Variants in NALF1 observed in about 807,000 individuals in gnomAD.
NALF1 encodes the protein family with sequence similarity 155 member A.
NALF1 carries 3 observed loss-of-function variants against 48.4 expected under a neutral mutation model. The ratio of observed to expected loss-of-function variants is 0.06; its 90% CI spans 0.03 to 0.16. The LOEUF is 0.16. NALF1 is among the 10% of genes least tolerant of loss of function. The pLI is 1.00. For synonymous variants in NALF1, 262 were observed against 245.7 expected (o/e 1.07, Z -0.62); for missense variants, 526 against 571.5 (o/e 0.92, Z 0.81).
intron 1 of NALF1, among the ~76,000 whole-genome samples, chr13:107,301,507 C>A (rs1285802885): frequency 1.3e-5 from 2 of 152,058 alleles, no homozygotes; most frequent in African/African-American, 4.8e-5. Context: ...ACCTTCTGTT[C>A]TACATTTACC....
chr13:107,323,648 C>A (rs143582545), intron 1 of NALF1, among the ~76,000 whole-genome samples: 23 of 152,244 alleles, frequency 1.5e-4, no homozygotes, highest in African/African-American at 5.3e-4. Context: ...GTTTTCACAG[C>A]CCAGAGCAGA....
chr13:107,502,560 A>T (rs1404461761), intron 1 of NALF1, among the ~76,000 whole-genome samples: 4 of 152,264 alleles, frequency 2.6e-5, no homozygotes, highest in African/African-American at 4.8e-5. Context: ...GTTACCTTGA[A>T]CATTCTAAAC....
At chr13:107,704,042 A>T (rs1336956582) in intron 1 of NALF1, among the ~76,000 whole-genome samples, 8 of 152,214 alleles carry the variant, frequency 5.3e-5, no homozygotes, top group Admixed American at 2.6e-4. Flanking sequence ...GGAAATTAAA[A>T]AGGCACTCCT....
intron 1 of NALF1, among the ~76,000 whole-genome samples, chr13:107,555,138 A>C (rs1441145589): frequency 6.6e-6 from 1 of 152,132 alleles, no homozygotes; most frequent in Non-Finnish European, 1.5e-5. Context: ...CAGGCTGCTT[A>C]ATTATATTGT....
chr13:107,265,017 G>A (rs1183777092), intron 1 of NALF1, among the ~76,000 whole-genome samples: 1 of 152,152 alleles, frequency 6.6e-6, no homozygotes, highest in Non-Finnish European at 1.5e-5. Context: ...CATGTGAGAA[G>A]GCAATTTACC....
chr13:107,552,162 GAT>G (rs1204596856), intron 1 of NALF1, among the ~76,000 whole-genome samples: 1 of 152,138 alleles, frequency 6.6e-6, no homozygotes, highest in Non-Finnish European at 1.5e-5. Flanking sequence ...TTAATTCTGA[GAT>G]AGACATATTC....
chr13:107,303,582 C>T (rs1313243606), intron 1 of NALF1, among the ~76,000 whole-genome samples: 3 of 152,134 alleles, frequency 2.0e-5, no homozygotes, highest in African/African-American at 2.4e-5. Context: ...CTGTAAGACT[C>T]GTGGACTCAA....
At chr13:107,306,029 T>C (rs888561052) in intron 1 of NALF1, among the ~76,000 whole-genome samples, 9 of 152,178 alleles carry the variant, frequency 5.9e-5, no homozygotes, top group Admixed American at 6.6e-5. Flanking sequence ...AAACTAAGAA[T>C]GGCAGAATGT....
At chr13:107,234,896 T>G (rs896582870) in intron 1 of NALF1, among the ~76,000 whole-genome samples, 2 of 152,264 alleles carry the variant, frequency 1.3e-5, no homozygotes, top group African/African-American at 4.8e-5. Flanking sequence ...GCAGACTTGA[T>G]GACATGAAAA....
intron 1 of NALF1, among the ~76,000 whole-genome samples, chr13:107,818,398 G>A (rs955009938): frequency 6.6e-6 from 1 of 152,106 alleles, no homozygotes; most frequent in Non-Finnish European, 1.5e-5. Context: ...GCCAGGAATT[G>A]GAGACACTGG....
At chr13:107,591,075 A>G (rs1250354770) in intron 1 of NALF1, among the ~76,000 whole-genome samples, 6 of 152,086 alleles carry the variant, frequency 3.9e-5, no homozygotes, top group African/African-American at 9.7e-5. Flanking sequence ...AAGAGAAAAG[A>G]GACCAACCAG....
rs1243802176 is a variant in NALF1 at position 107,637,782 on chromosome 13, T to G, written c.915+227900A>C. On this transcript the variant is annotated intron_variant, in intron 1 of 2. Transcript: ENST00000375915. ...GCATGTGGGATGCTAAAATGCAAGT[T>G]TTTGAGAAGAAACTGAGTAATGATC... is the stretch of plus-strand genomic sequence containing the variant. 2.8e-4 allele frequency among the ~76,000 whole-genome samples: 43 copies of G among 152,060 alleles called. 1 individual carries two copies.
intron 1 of NALF1, among the ~76,000 whole-genome samples, chr13:107,404,757 G>A (rs1883871033): frequency 6.6e-6 from 1 of 151,994 alleles, no homozygotes; most frequent in Admixed American, 6.6e-5. Context: ...ACTATATTCA[G>A]GACCTTTTCT....
At chr13:107,379,936 A>T (rs878966142) in intron 1 of NALF1, among the ~76,000 whole-genome samples, 4 of 152,216 alleles carry the variant, frequency 2.6e-5, no homozygotes, top group Admixed American at 2.6e-4. Flanking sequence ...GATGCCAGAC[A>T]TGTCGAGACA....
intron 1 of NALF1, among the ~76,000 whole-genome samples, chr13:107,506,449 A>G (rs759457980): frequency 1.6e-4 from 24 of 152,168 alleles, no homozygotes; most frequent in Non-Finnish European, 3.4e-4. Context: ...AAAGTGTACA[A>G]TTCAAAGGTT....
intron 1 of NALF1, among the ~76,000 whole-genome samples, chr13:107,487,034 T>C (rs184687642): frequency 3.6e-4 from 55 of 152,238 alleles, no homozygotes; most frequent in Non-Finnish European, 4.6e-4. Context: ...GATATAGTTA[T>C]AGACACGAAT....
intron 1 of NALF1, among the ~76,000 whole-genome samples, chr13:107,537,890 T>A (rs992894754): frequency 2.0e-5 from 3 of 152,000 alleles, no homozygotes; most frequent in Admixed American, 6.6e-5. Context: ...TGGTGGCACA[T>A]ACCTGTAATC....
chr13:107,349,326 T>C (rs1882829559), intron 1 of NALF1, among the ~76,000 whole-genome samples: 1 of 152,176 alleles, frequency 6.6e-6, no homozygotes, highest in African/African-American at 2.4e-5. Context: ...CTTATCTCTG[T>C]GGCTCTGAAA....
At chr13:107,337,849 T>C (rs1221963011) in intron 1 of NALF1, among the ~76,000 whole-genome samples, 2 of 152,156 alleles carry the variant, frequency 1.3e-5, no homozygotes, top group Non-Finnish European at 2.9e-5. Context: ...TATTGTCTTA[T>C]CTGTGCAATG....
Sources: gnomAD v4.1 joint callset for allele counts (sites outside exome capture counted in the v4.1 genomes callset) on GRCh38, gnomAD v4.1.1 for gene constraint, MANE v1.5 for transcripts, NCBI Gene and HGNC (gene_info 2026-07-23, HGNC 2026-07-21) for gene names.